The following ZNF148 variants were observed in gnomAD, a reference collection of about 807,000 sequenced individuals.
The protein encoded by ZNF148 is zinc finger protein 148.
In ZNF148, 7 loss-of-function variants were observed where a neutral mutation model predicts 67.7. The ratio of observed to expected loss-of-function variants is 0.10; its 90% CI spans 0.06 to 0.19. ZNF148 has a LOEUF of 0.19. Ranked by LOEUF, ZNF148 falls within the 10% of genes least tolerant of loss-of-function variation. ZNF148 has a pLI of 1.00. For synonymous variants in ZNF148, 333 were observed against 330.7 expected, an observed-to-expected ratio of 1.01 and a Z score of -0.08; for missense variants, 583 against 947.1, an observed-to-expected ratio of 0.62 and a Z score of 5.05.
At chr3:125,251,003 A>T (rs1242778774) in intron 7 of ZNF148, among the ~76,000 whole-genome samples, 1 of 152,186 alleles carries the variant, frequency 6.6e-6, no homozygotes, top group Non-Finnish European at 1.5e-5. Flanking sequence ...AGCAAATTTT[A>T]TTTCGTCTAA....
chr3:125,248,382 A>G (rs1023944201), intron 7 of ZNF148, among the ~76,000 whole-genome samples: 14 of 152,252 alleles, frequency 9.2e-5, no homozygotes, highest in Non-Finnish European at 1.9e-4. Flanking sequence ...TGAAGGCTAC[A>G]TTAAGCCCAT....
chr3:125,292,456 T>C (rs1408822320), intron 4 of ZNF148: 1 of 152,184 alleles, frequency 6.6e-6, no homozygotes, highest in African/African-American at 2.4e-5. Context: ...TCAAATCAAG[T>C]TACCTTACCT....
chr3:125,259,454 C>T (rs960615149), intron 7 of ZNF148, among the ~76,000 whole-genome samples: 1 of 152,148 alleles, frequency 6.6e-6, no homozygotes, highest in Non-Finnish European at 1.5e-5. Context: ...TTTTTCATAA[C>T]ATTAAACATA....
chr3:125,373,864 C>T (rs923528019), intron 1 of ZNF148, among the ~76,000 whole-genome samples: 23 of 152,184 alleles, frequency 1.5e-4, no homozygotes, highest in African/African-American at 5.6e-4. Context: ...GAAGAGCCAG[C>T]AAGCATGTCT....
At chr3:125,234,150 C>A in intron 8 of ZNF148, 61 bp downstream of exon 8, 1 of 1,273,840 alleles carries the variant, frequency 7.9e-7, no homozygotes, top group South Asian at 1.4e-5. Context: ...ATTTTCTAAT[C>A]TAATTTATAA....
intron 7 of ZNF148, among the ~76,000 whole-genome samples, chr3:125,241,489 C>T (rs2107528275): frequency 1.3e-5 from 2 of 152,172 alleles, no homozygotes; most frequent in South Asian, 4.1e-4. Flanking sequence ...TTCTACTTTT[C>T]CCTCATTCTT....
intron 7 of ZNF148, among the ~76,000 whole-genome samples, chr3:125,248,904 G>A (rs1372655487): frequency 6.6e-6 from 1 of 152,140 alleles, no homozygotes; most frequent in Non-Finnish European, 1.5e-5. Flanking sequence ...GCTGCAAGAG[G>A]TCTATTTCTT....
chr3:125,265,055 C>G (rs1399638783), intron 7 of ZNF148, among the ~76,000 whole-genome samples: 4 of 152,186 alleles, frequency 2.6e-5, no homozygotes, highest in Non-Finnish European at 2.9e-5. Flanking sequence ...ATTCCAAGAA[C>G]AGCTTTCGAA....
intron 7 of ZNF148, among the ~76,000 whole-genome samples, chr3:125,237,818 A>G (rs1372813762): frequency 6.6e-6 from 1 of 152,194 alleles, no homozygotes; most frequent in Admixed American, 6.5e-5. Context: ...ATTCGCATCT[A>G]AAAGAGCCAA....
At chr3:125,263,814 A>AT (rs1553810239) in intron 7 of ZNF148, among the ~76,000 whole-genome samples, 2 of 152,032 alleles carry the variant, frequency 1.3e-5, no homozygotes, top group African/African-American at 4.8e-5. Context: ...TAATGAGGCG[A>AT]TCTTTCTGGG....
intron 4 of ZNF148, chr3:125,310,919 A>C: frequency 9.3e-6 from 2 of 214,396 alleles, no homozygotes; most frequent in Middle Eastern, 5.3e-4. Flanking sequence ...CGTTACCCCC[A>C]GCAAACAGGC....
intron 3 of ZNF148, among the ~76,000 whole-genome samples, chr3:125,313,967 A>G (rs1940359276): frequency 6.6e-6 from 1 of 152,118 alleles, no homozygotes; most frequent in South Asian, 2.1e-4. Flanking sequence ...ATTCTTTAAT[A>G]TATTAATAAT....
chr3:125,289,241 T>C (rs1938874562), intron 4 of ZNF148, among the ~76,000 whole-genome samples: 1 of 152,184 alleles, frequency 6.6e-6, no homozygotes, highest in African/African-American at 2.4e-5. Context: ...CAAAAGATGA[T>C]GAACATCTTA....
In ZNF148 at chr3:125,313,418, T is replaced by C. The variant is rs1940323284; in HGVS notation, c.223A>G (p.Ile75Val). ...QESEMRQQDM[I>V]SHDELMVHEE... Reference sequence around the variant, plus strand: ...TGGACCATGAGTTCATCATGTGATATCATATCCTGTTGTCTCATTTCACTT... The same window carrying C: ...TGGACCATGAGTTCATCATGTGATACCATATCCTGTTGTCTCATTTCACTT... Residue 75 changes from isoleucine to valine, a missense_variant, in exon 4 of 9, where the codon ATA (isoleucine) becomes GTA (valine). Ile to Val is a conservative substitution (Grantham distance 29). Around this residue, in one of 5 missense-constraint regions of ZNF148, gnomAD observed 150 missense variants for 202.5 expected, o/e 0.74. Transcript: ENST00000360647. 1.4e-5 allele frequency: 22 copies of C among 1,614,188 alleles called. No individual in the cohort carries two copies. Among genetic ancestry groups the C allele is most frequent in the Non-Finnish European group, 1.9e-5 (22 of 1,180,026 alleles).
rs577681011 is a variant in ZNF148, at chr3:125,233,938, T to C, written c.788A>G (p.Tyr263Cys). The C allele has an allele frequency of 5.0e-6, 8 of 1,589,850 alleles. No individual in the cohort carries two copies. In the African/African-American group the frequency reaches 5.4e-5, roughly 11 times the overall value. Residue 263 changes from tyrosine (Y) to cysteine (C), a missense_variant and splice_region_variant, in exon 9 of 9, where the codon TAT (tyrosine) becomes TGT (cysteine). Physicochemically the swap from Tyr to Cys is radical, Grantham distance 194. This residue lies in a region of ZNF148 where 25 missense variants were observed against 142.0 expected (regional missense o/e 0.18). Coordinates refer to ENST00000360647, the MANE Select transcript of ZNF148 (RefSeq NM_021964.3). This position sits in a 1 kb window ranked among gnomAD's most constrained non-coding sequence, Gnocchi z 5.1. Reference protein sequence around the residue: ...KPYQCEYCLQYFSRTDRVLKH... With the variant: ...KPYQCEYCLQCFSRTDRVLKH... ...CAATACACGATCTGTTCTGGAAAAA[T>C]ACTGTTGAATTCAGAGGATGGTAGT...
chr3:125,234,782 T>G (rs966202557), intron 7 of ZNF148, among the ~76,000 whole-genome samples: 1 of 152,142 alleles, frequency 6.6e-6, no homozygotes, highest in South Asian at 2.1e-4. Context: ...CCTGAAAATA[T>G]CCTTTAAAAT....
chr3:125,340,587 C>T (rs1045729618), intron 1 of ZNF148, among the ~76,000 whole-genome samples: 5 of 152,174 alleles, frequency 3.3e-5, no homozygotes, highest in Non-Finnish European at 7.3e-5. Context: ...TCAAACAAAC[C>T]AAGTAGACTG....
At chr3:125,277,389 G>A (rs1157113408) in intron 7 of ZNF148, among the ~76,000 whole-genome samples, 1 of 152,126 alleles carries the variant, frequency 6.6e-6, no homozygotes, top group African/African-American at 2.4e-5. Context: ...TTAGGAGTCA[G>A]GAATTTGCTT....
chr3:125,235,727 T>C, intron 7 of ZNF148, among the ~76,000 whole-genome samples: 1 of 151,752 alleles, frequency 6.6e-6, no homozygotes, highest in Non-Finnish European at 1.5e-5. Flanking sequence ...TAGACTGGAT[T>C]AAGAAAATGT....
Sources: gnomAD v4.1 joint callset for allele counts (sites outside exome capture counted in the v4.1 genomes callset) on GRCh38, gnomAD v4.1.1 for gene constraint, gnomAD v4.1.1 regional missense constraint, Gnocchi (gnomAD v3.1) non-coding constraint, MANE v1.5 for transcripts, NCBI Gene and HGNC (gene_info 2026-07-23, HGNC 2026-07-21) for gene names.